Variants in ROBO2 observed in about 807,000 individuals in gnomAD.
ROBO2 encodes the protein roundabout homolog 2.
Under a neutral mutation model 160.8 loss-of-function variants are expected in ROBO2, and 53 were observed. The ratio of observed to expected loss-of-function variants is 0.33; its 90% confidence interval spans 0.26 to 0.41. The LOEUF (loss-of-function observed/expected upper bound fraction) is 0.41. ROBO2 is among the 10% of genes least tolerant of loss of function. The pLI is 1.00. For synonymous variants in ROBO2, 664 were observed against 611.7 expected, an observed-to-expected ratio of 1.09 and a Z score of -1.26; for missense variants, 1,577 against 1,722.4, an observed-to-expected ratio of 0.92 and a Z score of 1.49.
intron 2 of ROBO2, among the ~76,000 whole-genome samples, chr3:77,140,632 T>C (rs2076627778): frequency 6.6e-6 from 1 of 152,136 alleles, no homozygotes; most frequent in Admixed American, 6.6e-5. Flanking sequence ...GTATTTGAAT[T>C]TCTGACCATC....
At chr3:76,397,788 C>G (rs987718381) in intron 2 of ROBO2, among the ~76,000 whole-genome samples, 2 of 152,076 alleles carry the variant, frequency 1.3e-5, no homozygotes, top group Non-Finnish European at 2.9e-5. Flanking sequence ...CCATCTCACA[C>G]CAGTGAGAAT....
chr3:76,953,938 A>G (rs1334306564), intron 2 of ROBO2, among the ~76,000 whole-genome samples: 1 of 152,180 alleles, frequency 6.6e-6, no homozygotes, highest in Non-Finnish European at 1.5e-5. Context: ...CTTTGGCTAG[A>G]GGGAATTTTA....
rs71104664 is a variant in ROBO2, at chr3:77,246,327, ATGTGTG to A, written c.388+148015_388+148020del. 3.2e-3 allele frequency among the ~76,000 whole-genome samples: 473 copies of A among 145,818 alleles called. 2 individuals carry two copies. The highest frequency in any genetic ancestry group is 0.011 in the African/African-American group (436 of 39,054). On this transcript the variant is annotated intron_variant, in intron 2 of 25. Coordinates refer to ENST00000461745, the Ensembl canonical transcript of ROBO2. The stretch of plus-strand genomic sequence containing the variant: ...TACAAACTACTGAGAGTGTATGTGT[ATGTGTG>A]TGTGTGTGTGTGTGTGTGTGTGTGT...
chr3:77,027,563 T>G (rs2063045816), intron 2 of ROBO2, among the ~76,000 whole-genome samples: 1 of 152,210 alleles, frequency 6.6e-6, no homozygotes. Context: ...TTGCTTTATT[T>G]AACTCTTTTG....
intron 2 of ROBO2, among the ~76,000 whole-genome samples, chr3:77,470,702 A>ATT (rs1461995583): frequency 1.3e-5 from 2 of 152,196 alleles, no homozygotes; most frequent in African/African-American, 4.8e-5. Flanking sequence ...AATTACATAT[A>ATT]TTATATATAT....
intron 2 of ROBO2, among the ~76,000 whole-genome samples, chr3:76,127,933 T>C (rs2071061071): frequency 6.9e-6 from 1 of 145,922 alleles, no homozygotes; most frequent in South Asian, 2.2e-4. Context: ...TCCCACTCTG[T>C]CACCCAGGCT....
intron 2 of ROBO2, among the ~76,000 whole-genome samples, chr3:76,356,088 A>C (rs1415363198): frequency 6.6e-6 from 1 of 151,772 alleles, no homozygotes; most frequent in Non-Finnish European, 1.5e-5. Flanking sequence ...ATTTAAAGAA[A>C]TATTTACTTT....
chr3:76,111,709 C>G (rs2070239272), intron 2 of ROBO2, among the ~76,000 whole-genome samples: 2 of 152,236 alleles, frequency 1.3e-5, no homozygotes, highest in South Asian at 2.1e-4. Flanking sequence ...AGACTCTACT[C>G]TGCTGTTACC....
chr3:77,010,550 G>C (rs72902075), intron 2 of ROBO2, among the ~76,000 whole-genome samples: 128 of 152,150 alleles, frequency 8.4e-4, no homozygotes, highest in African/African-American at 2.9e-3. Flanking sequence ...CAAATTATGG[G>C]CTCCTTCTCA....
At chr3:77,002,438 GA>G (rs955969270) in intron 2 of ROBO2, among the ~76,000 whole-genome samples, 1 of 64,888 alleles carries the variant, frequency 1.5e-5, no homozygotes, top group Non-Finnish European at 2.8e-5. Context: ...ATTTTATCAT[GA>G]TCTATTTTAT....
chr3:77,470,886 G>A (rs1337012972), intron 2 of ROBO2, among the ~76,000 whole-genome samples: 1 of 152,192 alleles, frequency 6.6e-6, no homozygotes, highest in East Asian at 1.9e-4. Context: ...TACATACACA[G>A]AGAGAAAACC....
intron 2 of ROBO2, among the ~76,000 whole-genome samples, chr3:76,280,438 G>A (rs1444868111): frequency 3.3e-5 from 5 of 151,994 alleles, no homozygotes; most frequent in Non-Finnish European, 7.4e-5. Context: ...AGGACACCAT[G>A]AGAAGGCAGC....
At chr3:77,359,589 G>A (rs1339561594) in intron 2 of ROBO2, among the ~76,000 whole-genome samples, 2 of 152,006 alleles carry the variant, frequency 1.3e-5, no homozygotes, top group Non-Finnish European at 2.9e-5. Context: ...TTGTGGGTTG[G>A]GTCATCCACC....
intron 2 of ROBO2, among the ~76,000 whole-genome samples, chr3:76,850,654 T>C (rs1192030488): frequency 1.3e-5 from 2 of 152,044 alleles, no homozygotes; most frequent in Non-Finnish European, 2.9e-5. Flanking sequence ...CTACCAATGA[T>C]CTCCACACTT....
chr3:76,602,016 G>C (rs1411498037), intron 2 of ROBO2, among the ~76,000 whole-genome samples: 1 of 152,080 alleles, frequency 6.6e-6, no homozygotes, highest in Non-Finnish European at 1.5e-5. Context: ...AGTTCCACAG[G>C]AGCAGGGGCA....
chr3:76,545,545 C>T (rs1169740507), intron 2 of ROBO2, among the ~76,000 whole-genome samples: 1 of 151,988 alleles, frequency 6.6e-6, no homozygotes, highest in Non-Finnish European at 1.5e-5. Context: ...AACAGCCCTG[C>T]TGTTAATGAT....
At chr3:76,649,243 A>G (rs2091138753) in intron 2 of ROBO2, among the ~76,000 whole-genome samples, 3 of 152,136 alleles carry the variant, frequency 2.0e-5, no homozygotes, top group Non-Finnish European at 2.9e-5. Context: ...AAATTATTCT[A>G]TTATATCATG....
At chr3:76,708,294 AC>A (rs1444036231) in intron 2 of ROBO2, among the ~76,000 whole-genome samples, 1 of 152,180 alleles carries the variant, frequency 6.6e-6, no homozygotes, top group African/African-American at 2.4e-5. Flanking sequence ...AAGGTTGGAT[AC>A]CTATGAATTT....
chr3:76,071,386 A>G (rs1367463016), intron 2 of ROBO2, among the ~76,000 whole-genome samples: 3 of 152,196 alleles, frequency 2.0e-5, no homozygotes, highest in Admixed American at 6.5e-5. Context: ...AGAGTTAACT[A>G]TAAAAGCTAT....
Sources: allele counts gnomAD v4.1 joint callset (sites outside exome capture counted in the v4.1 genomes callset), GRCh38; gene constraint gnomAD v4.1.1; transcripts MANE v1.5; gene names NCBI Gene and HGNC (gene_info 2026-07-23, HGNC 2026-07-21).